Variants in WDFY2 observed in about 807,000 individuals in gnomAD.
WDFY2 encodes the protein WD repeat and FYVE domain containing 2.
In WDFY2, 36 loss-of-function variants were observed where a neutral mutation model predicts 56.4. The observed-to-expected ratio is 0.64, with a 90% CI of 0.49 to 0.84. The LOEUF is 0.84. WDFY2 is among the 40% of genes least tolerant of loss of function. The pLI, the probability that WDFY2 is intolerant of heterozygous loss-of-function variation, is 0.00. For synonymous variants in WDFY2, 176 were observed against 183.7 expected (o/e 0.96, Z 0.34); for missense variants, 444 against 512.2 (o/e 0.87, Z 1.29).
chr13:51,639,365 A>T (rs1038710331), intron 1 of WDFY2, among the ~76,000 whole-genome samples: 1 of 152,188 alleles, frequency 6.6e-6, no homozygotes, highest in Non-Finnish European at 1.5e-5. Context: ...AGGAGGGGTT[A>T]TCTGTATACT....
At chr13:51,664,704 G>A (rs1467882731) in intron 2 of WDFY2, among the ~76,000 whole-genome samples, 1 of 152,114 alleles carries the variant, frequency 6.6e-6, no homozygotes, top group African/African-American at 2.4e-5. Context: ...CTAAGCCCAG[G>A]CCTCATTGTA....
chr13:51,699,485 C>T (rs776952969), intron 3 of WDFY2, among the ~76,000 whole-genome samples: 3 of 152,164 alleles, frequency 2.0e-5, no homozygotes, highest in South Asian at 2.1e-4. Flanking sequence ...ATTAGACTTA[C>T]GCTTTGCTTC....
chr13:51,718,128 A>G (rs773461920), intron 4 of WDFY2, among the ~76,000 whole-genome samples: 1 of 152,186 alleles, frequency 6.6e-6, no homozygotes, highest in Admixed American at 6.5e-5. Context: ...CTCTGTTTTC[A>G]TGATCAAAAT....
At chr13:51,670,568 G>T (rs1366981780) in intron 2 of WDFY2, among the ~76,000 whole-genome samples, 2 of 151,538 alleles carry the variant, frequency 1.3e-5, no homozygotes, top group East Asian at 1.9e-4. Flanking sequence ...CCAAATGCCT[G>T]TTTGAAGGGG....
intron 1 of WDFY2, among the ~76,000 whole-genome samples, chr13:51,622,802 TATAG>T (rs1281913685): frequency 1.3e-5 from 2 of 151,898 alleles, no homozygotes; most frequent in Non-Finnish European, 2.9e-5. Flanking sequence ...ATCATGTAAT[TATAG>T]TTTGAACTGG....
chr13:51,655,336 G>C (rs892293704), intron 1 of WDFY2, among the ~76,000 whole-genome samples: 1 of 152,092 alleles, frequency 6.6e-6, no homozygotes, highest in South Asian at 2.1e-4. Context: ...GATTTTTCAT[G>C]AATATCCTTT....
At chr13:51,751,488 C>A (rs754518081) in intron 8 of WDFY2, 73 bp downstream of exon 8, 1 of 1,346,936 alleles carries the variant, frequency 7.4e-7, no homozygotes, top group Middle Eastern at 1.8e-4. Context: ...TTTCTTATTT[C>A]TTTTATGATT....
At chr13:51,652,275 C>T (rs940787866) in intron 1 of WDFY2, among the ~76,000 whole-genome samples, 3 of 152,246 alleles carry the variant, frequency 2.0e-5, no homozygotes, top group Admixed American at 1.3e-4. Context: ...TCCTCCATCC[C>T]TTTATTTTGA....
At chr13:51,592,218 T>A (rs1405153319) in intron 1 of WDFY2, 1 of 152,200 alleles carries the variant, frequency 6.6e-6, no homozygotes, top group Non-Finnish European at 1.5e-5. Context: ...GGCTGCATTT[T>A]AACTTCCTGT....
intron 6 of WDFY2, among the ~76,000 whole-genome samples, chr13:51,733,033 G>C (rs1180755521): frequency 6.6e-6 from 1 of 152,096 alleles, no homozygotes; most frequent in African/African-American, 2.4e-5. Flanking sequence ...TCCCAAATAA[G>C]TGTGTTTTTG....
At chr13:51,655,699 C>T (rs1955496678) in intron 1 of WDFY2, among the ~76,000 whole-genome samples, 1 of 152,054 alleles carries the variant, frequency 6.6e-6, no homozygotes, top group South Asian at 2.1e-4. Flanking sequence ...AGTATTTTCT[C>T]CTCTTCCATT....
In WDFY2 at chr13:51,584,576, G is replaced by T. The variant is rs191207454; in HGVS notation, c.-112G>T. 1.4e-6 allele frequency: 2 copies of T among 1,387,338 alleles called. No homozygotes were observed. Among genetic ancestry groups the T allele is most frequent in the Admixed American group, 2.8e-5 (1 of 35,738 alleles). 85.9% of individuals were successfully genotyped at this position (1,387,338 alleles called of 1,614,324 possible). On this transcript the variant is annotated 5_prime_UTR_variant, in exon 1 of 12. Coordinates refer to ENST00000298125, the MANE Select transcript of WDFY2 (RefSeq NM_052950.4). Reference sequence around the variant, plus strand: ...TATGCTCGCCGGTTTCCGGCGTTCCGCTCCGGCCAGCCAGAGTCTCTGTCT... The same window carrying T: ...TATGCTCGCCGGTTTCCGGCGTTCCTCTCCGGCCAGCCAGAGTCTCTGTCT...
At chr13:51,634,819 G>T (rs990829752) in intron 1 of WDFY2, among the ~76,000 whole-genome samples, 5 of 152,178 alleles carry the variant, frequency 3.3e-5, no homozygotes, top group African/African-American at 1.2e-4. Context: ...AAACAATAGG[G>T]TGCATCATGG....
Position 51,755,339 on chromosome 13 carries a change from C to T in WDFY2, c.832-19C>T. 1 of 1,613,378 alleles carries T rather than the reference C, an allele frequency of 6.2e-7. No individual in the cohort carries two copies. The highest frequency in any genetic ancestry group is 8.5e-7 in the Non-Finnish European group (1 of 1,179,328). On this transcript the variant is annotated intron_variant, in intron 8 of 11. Transcript: ENST00000298125. ...TGACTGCTGGCCACAGTGACCTGTTCTGTGCTTTATTTGACAAGACCCCTG... is the reference window on the plus strand; with the variant it reads ...TGACTGCTGGCCACAGTGACCTGTTTTGTGCTTTATTTGACAAGACCCCTG...
intron 4 of WDFY2, among the ~76,000 whole-genome samples, chr13:51,706,806 T>C (rs1952092226): frequency 6.6e-6 from 1 of 152,214 alleles, no homozygotes; most frequent in Admixed American, 6.5e-5. Flanking sequence ...AGATGAATTC[T>C]TCATTTTTTT....
chr13:51,740,270 A>G (rs1443620848), intron 7 of WDFY2, among the ~76,000 whole-genome samples: 1 of 152,262 alleles, frequency 6.6e-6, no homozygotes, highest in Non-Finnish European at 1.5e-5. Flanking sequence ...AGAACAGAAC[A>G]GCTGTCTGGG....
intron 3 of WDFY2, among the ~76,000 whole-genome samples, chr13:51,688,081 G>A (rs1186193391): frequency 6.6e-6 from 1 of 152,132 alleles, no homozygotes; most frequent in East Asian, 1.9e-4. Context: ...AATTGAGTGG[G>A]GAGAAGGGGT....
At chr13:51,757,518 G>A (rs1298398829) in intron 10 of WDFY2, among the ~76,000 whole-genome samples, 1 of 151,188 alleles carries the variant, frequency 6.6e-6, no homozygotes, top group African/African-American at 2.4e-5. Flanking sequence ...AGCATGATAA[G>A]AGCAGTCTCC....
intron 4 of WDFY2, among the ~76,000 whole-genome samples, chr13:51,708,615 G>A (rs1363711295): frequency 2.0e-5 from 3 of 151,444 alleles, no homozygotes; most frequent in Non-Finnish European, 2.9e-5. Context: ...GAAAAAAGGG[G>A]TAAAGAACGG....
Sources: gnomAD v4.1 joint callset for allele counts (sites outside exome capture counted in the v4.1 genomes callset) on GRCh38, gnomAD v4.1.1 for gene constraint, MANE v1.5 for transcripts, NCBI Gene and HGNC (gene_info 2026-07-23, HGNC 2026-07-21) for gene names.